Variants in RNGTT observed in about 807,000 individuals in gnomAD.
RNGTT encodes the protein mRNA-capping enzyme.
RNGTT carries 33 observed loss-of-function variants against 79.3 expected under a neutral mutation model. That is an observed-to-expected ratio of 0.42 (90% confidence interval 0.32 to 0.56). The LOEUF is 0.56. RNGTT is among the 20% of genes least tolerant of loss of function. The probability of loss-of-function intolerance (pLI) is 0.17; values close to 1 mark genes in which losing one functional copy is unlikely to be tolerated. For missense variants in RNGTT, 497 were observed against 739.1 expected, an observed-to-expected ratio of 0.67 and a Z score of 3.80; for synonymous variants, 222 against 235.9, an observed-to-expected ratio of 0.94 and a Z score of 0.54.
chr6:88,903,661 A>G (rs1341380437), intron 6 of RNGTT, among the ~76,000 whole-genome samples: 3 of 152,252 alleles, frequency 2.0e-5, no homozygotes, highest in Non-Finnish European at 4.4e-5. Context: ...GCCAAAAATA[A>G]CTTACATGGT....
intron 13 of RNGTT, among the ~76,000 whole-genome samples, chr6:88,736,630 A>G (rs1777295397): frequency 6.6e-6 from 1 of 152,202 alleles, no homozygotes; most frequent in Non-Finnish European, 1.5e-5. Context: ...ACCAGAACTT[A>G]AAGATGTGGC....
At chr6:88,777,577 G>A (rs1260052458) in intron 12 of RNGTT, among the ~76,000 whole-genome samples, 2 of 152,064 alleles carry the variant, frequency 1.3e-5, no homozygotes, top group Non-Finnish European at 2.9e-5. Flanking sequence ...TTGTAAATGA[G>A]ATTGTTTTCT....
At chr6:88,767,959 C>G (rs547037572) in intron 13 of RNGTT, among the ~76,000 whole-genome samples, 14 of 152,176 alleles carry the variant, frequency 9.2e-5, no homozygotes, top group Non-Finnish European at 1.5e-4. Context: ...TTGAAACTAT[C>G]CTGAAAGTCA....
At chr6:88,961,775 T>G (rs549437171) in intron 1 of RNGTT, among the ~76,000 whole-genome samples, 125 of 152,336 alleles carry the variant, frequency 8.2e-4, no homozygotes, top group African/African-American at 2.8e-3. Context: ...ACCTACCATA[T>G]GATGCAGCCA....
intron 13 of RNGTT, among the ~76,000 whole-genome samples, chr6:88,715,137 G>C (rs1377748810): frequency 2.6e-5 from 4 of 152,062 alleles, no homozygotes; most frequent in African/African-American, 9.7e-5. Flanking sequence ...CAAAATCAAT[G>C]TACAAAAATC....
chr6:88,804,928 CT>C (rs1437036177), intron 11 of RNGTT, among the ~76,000 whole-genome samples: 2 of 152,260 alleles, frequency 1.3e-5, no homozygotes, highest in Admixed American at 6.5e-5. Context: ...TAAGAAAATG[CT>C]TTTTCCCCTC....
chr6:88,949,497 C>T (rs777794740), intron 1 of RNGTT, among the ~76,000 whole-genome samples: 3 of 151,990 alleles, frequency 2.0e-5, no homozygotes, highest in Non-Finnish European at 4.4e-5. Context: ...CTCCTGACCT[C>T]GTGATCCACC....
intron 8 of RNGTT, among the ~76,000 whole-genome samples, chr6:88,876,404 C>A (rs1782520023): frequency 6.6e-6 from 1 of 152,048 alleles, no homozygotes; most frequent in Non-Finnish European, 1.5e-5. Flanking sequence ...TGTGGCGGCA[C>A]GCGCCTATAG....
chr6:88,830,753 G>T (rs545404779), intron 11 of RNGTT, among the ~76,000 whole-genome samples: 1 of 151,978 alleles, frequency 6.6e-6, no homozygotes, highest in African/African-American at 2.4e-5. Context: ...TGAAAAAGGA[G>T]ATATCACCAC....
chr6:88,651,322 T>C (rs1184444513), intron 14 of RNGTT, among the ~76,000 whole-genome samples: 1 of 152,132 alleles, frequency 6.6e-6, no homozygotes, highest in African/African-American at 2.4e-5. Flanking sequence ...CAAAATAGTA[T>C]ACAGAAAAAT....
intron 11 of RNGTT, among the ~76,000 whole-genome samples, chr6:88,824,533 A>C (rs1004751822): frequency 8.5e-5 from 13 of 152,172 alleles, no homozygotes; most frequent in African/African-American, 2.7e-4. Flanking sequence ...ATTAAATGAC[A>C]TTAAAAATCT....
intron 8 of RNGTT, among the ~76,000 whole-genome samples, chr6:88,868,491 A>G (rs1408139287): frequency 6.6e-6 from 1 of 152,224 alleles, no homozygotes; most frequent in East Asian, 1.9e-4. Flanking sequence ...AGGTCGGTCC[A>G]GCTCAGGCTG....
At chr6:88,755,052 T>C (rs1247494156) in intron 13 of RNGTT, among the ~76,000 whole-genome samples, 2 of 152,130 alleles carry the variant, frequency 1.3e-5, no homozygotes, top group African/African-American at 4.8e-5. Flanking sequence ...GGGGTCTCCA[T>C]GACCGAGCTG....
At chr6:88,868,030 A>C (rs1782231154) in intron 8 of RNGTT, among the ~76,000 whole-genome samples, 1 of 152,110 alleles carries the variant, frequency 6.6e-6, no homozygotes, top group African/African-American at 2.4e-5. Flanking sequence ...CCAGTCACAT[A>C]AGTAGGTGAA....
Position 88,690,548 on chromosome 6 carries a change from A to AT in RNGTT, c.1440-12130dup, listed in dbSNP as rs950657411. On this transcript the variant is annotated intron_variant, in intron 13 of 15. Transcript: ENST00000369485. The stretch of plus-strand genomic sequence containing the variant: ...GTAGCAAGACCTTATGTCTACAATG[A>AT]TTTTTTTTTTTAAGTTAGTCAGGTA... Among the ~76,000 whole-genome samples the AT allele has an allele frequency of 1.9e-3, 284 of 148,134 alleles. 1 individual carries two copies. The highest frequency in any genetic ancestry group is 3.0e-3 in the South Asian group (14 of 4,666).
chr6:88,885,139 CAT>C (rs753624851), intron 8 of RNGTT, among the ~76,000 whole-genome samples: 7 of 152,002 alleles, frequency 4.6e-5, no homozygotes, highest in Non-Finnish European at 1.0e-4. Context: ...CACACACACA[CAT>C]ATTTCCTAGC....
intron 6 of RNGTT, among the ~76,000 whole-genome samples, chr6:88,901,744 T>C (rs2127940932): frequency 1.3e-5 from 2 of 152,098 alleles, no homozygotes; most frequent in Middle Eastern, 3.4e-3. Flanking sequence ...CCTGACCTCG[T>C]GATTCGCCCG....
At chr6:88,658,713 C>A (rs1774072427) in intron 14 of RNGTT, among the ~76,000 whole-genome samples, 2 of 152,178 alleles carry the variant, frequency 1.3e-5, no homozygotes, top group Non-Finnish European at 1.5e-5. Context: ...TAATCAGCTG[C>A]CAGCACAACC....
rs1485419356 is a variant in RNGTT, at chr6:88,903,338, C to A, written c.684+1377G>T. Among the ~76,000 whole-genome samples, 5 of 152,104 alleles carry A rather than the reference C, an allele frequency of 3.3e-5. No homozygotes were observed. In the South Asian group the frequency reaches 1.0e-3, roughly 32 times the overall value. ...CTGCCACTAGTGAGCCATAATCATG[C>A]CACCACACTCCTGCCTGAGCAACAG... On this transcript the variant is annotated intron_variant, in intron 6 of 15. Coordinates refer to ENST00000369485, the MANE Select transcript of RNGTT (RefSeq NM_003800.5).
Sources: gnomAD v4.1 joint callset for allele counts (sites outside exome capture counted in the v4.1 genomes callset) on GRCh38, gnomAD v4.1.1 for gene constraint, MANE v1.5 for transcripts, NCBI Gene and HGNC (gene_info 2026-07-23, HGNC 2026-07-21) for gene names.